CDC42SE2: variants seen among roughly 807,000 people sequenced by gnomAD.
The protein encoded by CDC42SE2 is CDC42 small effector 2, also known as CDC42 small effector protein 2.
Under a neutral mutation model 11.5 loss-of-function variants are expected in CDC42SE2, and 3 were observed. The observed-to-expected ratio is 0.26, with a 90% CI of 0.12 to 0.67. The LOEUF (loss-of-function observed/expected upper bound fraction) is 0.67. Among genes scored for constraint, CDC42SE2 ranks in the 30% least tolerant of loss-of-function variants. The pLI, the probability that CDC42SE2 is intolerant of heterozygous loss-of-function variation, is 0.80. For missense variants in CDC42SE2, 82 were observed against 106.8 expected (o/e 0.77, Z 1.02); for synonymous variants, 33 against 34.8 (o/e 0.95, Z 0.18).
chr5:131,390,894 AAGC>A (rs1438862209), intron 4 of CDC42SE2, 96 bp from the exon 5 acceptor site: 10 of 723,646 alleles, frequency 1.4e-5, no homozygotes, highest in South Asian at 2.2e-5. Flanking sequence ...CTTCTGAAAA[AAGC>A]AGCCCAAATA....
chr5:131,267,522 T>G (rs922845272), intron 1 of CDC42SE2, among the ~76,000 whole-genome samples: 5 of 152,214 alleles, frequency 3.3e-5, no homozygotes, highest in Admixed American at 3.3e-4. Flanking sequence ...GGTATGTGTG[T>G]CTGTTGGGGA....
chr5:131,383,942 G>C (rs1342034634), intron 3 of CDC42SE2, among the ~76,000 whole-genome samples: 3 of 152,144 alleles, frequency 2.0e-5, no homozygotes, highest in Non-Finnish European at 2.9e-5. Context: ...TAAGAAACTT[G>C]GAAGATTATA....
intron 1 of CDC42SE2, among the ~76,000 whole-genome samples, chr5:131,310,218 C>G (rs1448678660): frequency 1.3e-5 from 2 of 151,904 alleles, no homozygotes; most frequent in East Asian, 1.9e-4. Flanking sequence ...AGTAGTCATT[C>G]AGGAGCAGGT....
chr5:131,368,241 AG>A (rs35577193), intron 3 of CDC42SE2, among the ~76,000 whole-genome samples: 31,594 of 138,026 alleles, frequency 0.23, 3,754 homozygotes, highest in East Asian at 0.48. Flanking sequence ...CAATAGAGTG[AG>A]ACTCCATCTC....
At chr5:131,230,798 G>A in the CDC42SE2 span, among the ~76,000 whole-genome samples, 7 of 152,102 alleles carry the variant, frequency 4.6e-5, 1 homozygote, top group Non-Finnish European at 7.4e-5. Flanking sequence ...GGGGTTTATC[G>A]TTTGTTTACG....
At chr5:131,348,307 C>G (rs1424137835) in intron 2 of CDC42SE2, among the ~76,000 whole-genome samples, 2 of 152,172 alleles carry the variant, frequency 1.3e-5, no homozygotes, top group Non-Finnish European at 2.9e-5. Flanking sequence ...TCTCACGATA[C>G]AAAATCAATG....
At chr5:131,259,393 TA>T (rs1420433824), upstream of CDC42SE2, among the ~76,000 whole-genome samples, 2 of 151,796 alleles carry the variant, frequency 1.3e-5, no homozygotes, top group African/African-American at 2.4e-5. Context: ...ATTCCAAAAG[TA>T]ATTTATATAA....
intron 3 of CDC42SE2, among the ~76,000 whole-genome samples, chr5:131,361,423 C>G (rs919650681): frequency 8.5e-5 from 13 of 152,198 alleles, no homozygotes; most frequent in Admixed American, 8.5e-4. Flanking sequence ...GGGTGTGGCT[C>G]GCTTCTTCAG....
At chr5:131,336,741 C>G (rs571988849) in intron 2 of CDC42SE2, among the ~76,000 whole-genome samples, 51 of 152,228 alleles carry the variant, frequency 3.4e-4, no homozygotes, top group African/African-American at 1.2e-3. Flanking sequence ...TCACTGATAC[C>G]CTTTCTTCCA....
At chr5:131,387,258 C>T (rs1165620422) in intron 4 of CDC42SE2, among the ~76,000 whole-genome samples, 1 of 151,922 alleles carries the variant, frequency 6.6e-6, no homozygotes, top group African/African-American at 2.4e-5. Flanking sequence ...TTAAAAAATC[C>T]AACTATAAGG....
upstream of CDC42SE2, among the ~76,000 whole-genome samples, chr5:131,261,823 C>CA: frequency 6.7e-6 from 1 of 148,930 alleles, no homozygotes; most frequent in Non-Finnish European, 1.5e-5. Context: ...TAGGCCACTG[C>CA]ACTCCAGCCT....
At chr5:131,335,251 T>C (rs1480168160) in intron 2 of CDC42SE2, among the ~76,000 whole-genome samples, 1 of 152,248 alleles carries the variant, frequency 6.6e-6, no homozygotes, top group Non-Finnish European at 1.5e-5. Context: ...GAACAGGTTG[T>C]TCAGTTTCCA....
At chr5:131,331,816 C>T (rs1758424503) in intron 2 of CDC42SE2, among the ~76,000 whole-genome samples, 1 of 152,162 alleles carries the variant, frequency 6.6e-6, no homozygotes. Flanking sequence ...CACATCATAA[C>T]ATCATTATCA....
In CDC42SE2 at chr5:131,394,083, A is replaced by ACTT. The variant is rs994182004; in HGVS notation, c.*2993_*2995dup. ...TTTTTTTTAGGGAGGCAGCTTTCCCACTTTTATAAAGGGGGTTGTAAATCT... is the reference window on the plus strand; with the variant it reads ...TTTTTTTTAGGGAGGCAGCTTTCCCACTTCTTTTATAAAGGGGGTTGTAAATCT... On this transcript the variant is annotated 3_prime_UTR_variant, in exon 5 of 5. Coordinates refer to ENST00000505065, the MANE Select transcript of CDC42SE2 (RefSeq NM_001375635.1). 16 of 152,388 alleles carry ACTT rather than the reference A, an allele frequency of 1.0e-4. No individual in the cohort carries two copies. The highest frequency in any genetic ancestry group is 2.9e-4 in the African/African-American group (12 of 41,558). The allele number at this position is 152,388 out of a possible 1,614,324, so 9.4% of individuals were successfully genotyped here.
At chr5:131,350,227 T>A (rs191811846) in intron 2 of CDC42SE2, among the ~76,000 whole-genome samples, 2 of 152,032 alleles carry the variant, frequency 1.3e-5, no homozygotes, top group East Asian at 1.9e-4. Flanking sequence ...TAGACATTTT[T>A]AAAAAAAGAT....
intron 1 of CDC42SE2, among the ~76,000 whole-genome samples, chr5:131,248,427 A>C (rs1290491497): frequency 6.6e-6 from 1 of 152,160 alleles, no homozygotes; most frequent in Non-Finnish European, 1.5e-5. Flanking sequence ...ATGAGCCACC[A>C]TGCCCGGCAG....
intron 3 of CDC42SE2, among the ~76,000 whole-genome samples, chr5:131,366,368 C>G (rs1749856458): frequency 6.6e-6 from 1 of 152,112 alleles, no homozygotes; most frequent in Admixed American, 6.5e-5. Context: ...TGTTGGTAAG[C>G]TAGTGTCCAT....
chr5:131,366,376 C>T (rs1749856784), intron 3 of CDC42SE2, among the ~76,000 whole-genome samples: 1 of 152,182 alleles, frequency 6.6e-6, no homozygotes. Flanking sequence ...AGCTAGTGTC[C>T]ATAGCATTCG....
the CDC42SE2 span, among the ~76,000 whole-genome samples, chr5:131,216,750 A>G: frequency 5.9e-5 from 9 of 152,096 alleles, no homozygotes; most frequent in African/African-American, 2.2e-4. Flanking sequence ...TGCCAATAAA[A>G]TGACCTGGGT....
Sources: gnomAD v4.1 joint callset for allele counts (sites outside exome capture counted in the v4.1 genomes callset) on GRCh38, gnomAD v4.1.1 for gene constraint, MANE v1.5 for transcripts, NCBI Gene and HGNC (gene_info 2026-07-23, HGNC 2026-07-21) for gene names.